SLC5A2: variants seen among roughly 807,000 people sequenced by gnomAD.
SLC5A2 encodes the protein solute carrier family 5 member 2, also known as sodium/glucose cotransporter 2.
SLC5A2 carries 67 observed loss-of-function variants against 69.0 expected under a neutral mutation model. The ratio of observed to expected loss-of-function variants is 0.97; its 90% CI spans 0.80 to 1.19. SLC5A2 has a LOEUF of 1.19. SLC5A2 is among the 50% of genes most tolerant of loss of function. The probability of loss-of-function intolerance (pLI) is 0.00; values close to 1 mark genes in which losing one functional copy is unlikely to be tolerated. For synonymous variants in SLC5A2, 455 were observed against 395.8 expected, an observed-to-expected ratio of 1.15 and a Z score of -1.78; for missense variants, 1,001 against 921.5, an observed-to-expected ratio of 1.09 and a Z score of -1.12.
Position 31,488,057 on chromosome 16 carries a change from T to C in SLC5A2, c.905T>C (p.Leu302Pro). The change falls in exon 8 of 14, where the codon CTG becomes CCG. Residue 302 changes from leucine to proline, a missense_variant. Leu to Pro is a moderately conservative substitution (Grantham distance 98). Coordinates refer to ENST00000330498, the MANE Select transcript of SLC5A2 (RefSeq NM_003041.4). ...CSDQVIVQRC[L>P]AGKSLTHIKA... Reference sequence around the variant, plus strand: ...CCGTAGGTCATCGTGCAGCGCTGCCTGGCCGGGAAGAGCCTGACCCACATC... The same window carrying C: ...CCGTAGGTCATCGTGCAGCGCTGCCCGGCCGGGAAGAGCCTGACCCACATC... 6.2e-7 allele frequency: 1 copy of C among 1,613,808 alleles called. No individual in the cohort carries two copies. Among genetic ancestry groups the C allele is most frequent in the African/African-American group, 1.3e-5 (1 of 75,058 alleles).
At chr16:31,483,370 G>T in intron 1 of SLC5A2, 108 bp downstream of exon 1, 1 of 1,443,088 alleles carries the variant, frequency 6.9e-7, no homozygotes, top group South Asian at 1.1e-5. Flanking sequence ...CTTTGAAGGA[G>T]AAACCTAGGC....
intron 12 of SLC5A2, chr16:31,489,875 G>A: frequency 3.5e-6 from 2 of 571,140 alleles, no homozygotes; most frequent in East Asian, 6.6e-5. Flanking sequence ...TGACAAAGCT[G>A]GGGGAGCAAG....
chr16:31,483,694 C>T (rs1310338638), intron 1 of SLC5A2, among the ~76,000 whole-genome samples: 1 of 151,960 alleles, frequency 6.6e-6, no homozygotes, highest in Admixed American at 6.6e-5. Flanking sequence ...GAGTTTGAGA[C>T]CAGACTGGCC....
chr16:31,487,959 C>T, intron 7 of SLC5A2, 79 bp from the exon 8 acceptor site: 2 of 1,586,030 alleles, frequency 1.3e-6, no homozygotes, highest in South Asian at 1.1e-5. Context: ...GAGCCAGAGG[C>T]GGGGCACAGA....
chr16:31,485,319 A>C, intron 3 of SLC5A2: 1 of 442,570 alleles, frequency 2.3e-6, no homozygotes. Flanking sequence ...AAGCTCTGGG[A>C]CTGAGGCTCC....
At chr16:31,488,247 G>C in intron 8 of SLC5A2, 74 bp downstream of exon 8, 1 of 1,612,044 alleles carries the variant, frequency 6.2e-7, no homozygotes, top group Non-Finnish European at 8.5e-7. Context: ...ACCCTCCTAA[G>C]ACTCGGCAGT....
In SLC5A2 at chr16:31,485,775, A is replaced by G. The variant is rs202108504; in HGVS notation, c.350A>G (p.Tyr117Cys). The G allele has an allele frequency of 9.9e-6, 16 of 1,613,648 alleles. No individual in the cohort carries two copies. The highest frequency in any genetic ancestry group is 1.4e-5 in the Non-Finnish European group (16 of 1,180,036). The change falls in exon 4 of 14, where the codon TAC (tyrosine) becomes TGC (cysteine). Residue 117 changes from tyrosine to cysteine, a missense_variant. Physicochemically the swap from Tyr to Cys is radical, Grantham distance 194. Coordinates refer to ENST00000330498, the MANE Select transcript of SLC5A2 (RefSeq NM_003041.4). ...CTGGGCTGGCTGTTTGCACCCGTGT[A>G]CCTGACAGCGGGGGTCATCACGATG... ...LLLGWLFAPV[Y>C]LTAGVITMPQ...
Position 31,487,880 on chromosome 16 carries a change from C to T in SLC5A2, c.885+121C>T. 5.7e-6 allele frequency: 8 copies of T among 1,395,224 alleles called. No homozygotes were observed. The South Asian group carries it at 8.9e-5, about 16-fold the overall frequency. 86.4% of individuals were successfully genotyped at this position (1,395,224 alleles called of 1,614,324 possible). ...CGCAGTCTGAGGGGCGGGAACCCCT[C>T]GGGTTGGTGCTAAACCAGACAGAAG... On this transcript the variant is annotated intron_variant, in intron 7 of 13. Coordinates refer to ENST00000330498, the MANE Select transcript of SLC5A2 (RefSeq NM_003041.4).
chr16:31,488,458 A>G lies in SLC5A2; in HGVS notation c.1097A>G (p.Tyr366Cys). The G allele has an allele frequency of 6.2e-7, 1 of 1,610,086 alleles. No homozygotes were observed. Among genetic ancestry groups the G allele is most frequent in the African/African-American group, 1.3e-5 (1 of 74,954 alleles). ...GTEVGCSNIAYPRLVVKLMPN... is the reference protein window; with the variant it reads ...GTEVGCSNIACPRLVVKLMPN... ...GAGGTGGGCTGCTCCAACATCGCCT[A>G]CCCGCGGCTCGTCGTGAAGCTCATG... The change falls in exon 9 of 14, where the codon TAC (tyrosine) becomes TGC (cysteine). Residue 366 changes from tyrosine to cysteine, a missense_variant. Tyr to Cys is a radical substitution (Grantham distance 194). Transcript: ENST00000330498.
At position 31,488,019 on chromosome 16, in the gene SLC5A2, C is replaced by T. The variant is rs1305062114; in HGVS notation, c.886-19C>T. 8.1e-6 allele frequency: 13 copies of T among 1,611,666 alleles called. No homozygotes were observed. The highest frequency in any genetic ancestry group is 1.0e-5 in the Non-Finnish European group (12 of 1,179,642). On this transcript the variant is annotated intron_variant, in intron 7 of 13. Transcript: ENST00000330498. ...CGAGGGGAGGCCCGCAAGCGGGCAG[C>T]TGAACGCCCCTCCCGTAGGTCATCG... is the stretch of plus-strand genomic sequence containing the variant.
Position 31,488,976 on chromosome 16 carries a change from C to T in SLC5A2, c.1377C>T (p.Val459=). 1.2e-6 allele frequency: 2 copies of T among 1,601,702 alleles called. No individual in the cohort carries two copies. Among genetic ancestry groups the T allele is most frequent in the Non-Finnish European group, 1.7e-6 (2 of 1,179,870 alleles). ...GGQLFDYIQA[V]SSYLAPPVSA... ...AGCTCTTCGATTACATCCAGGCAGT[C>T]TCTAGCTACCTGGCACCGCCCGTGT... The change falls in exon 11 of 14, where the codon GTC becomes GTT. Residue 459 remains valine, a synonymous_variant. Coordinates refer to ENST00000330498, the MANE Select transcript of SLC5A2 (RefSeq NM_003041.4).
Position 31,487,403 on chromosome 16 carries a change from A to T in SLC5A2, c.655+3A>T. 6.2e-7 allele frequency: 1 copy of T among 1,613,446 alleles called. No individual in the cohort carries two copies. Among genetic ancestry groups the T allele is most frequent in the Non-Finnish European group, 8.5e-7 (1 of 1,179,902 alleles). Reference sequence around the variant, plus strand: ...CGCCTGCATCCTCATGGGTTACGGTAGGGGCTCGCCTACCAGGGAGGGGCG... The same window carrying T: ...CGCCTGCATCCTCATGGGTTACGGTTGGGGCTCGCCTACCAGGGAGGGGCG... On this transcript the variant is annotated splice_donor_region_variant and intron_variant, in intron 6 of 13. Coordinates refer to ENST00000330498, the MANE Select transcript of SLC5A2 (RefSeq NM_003041.4).
In SLC5A2 at chr16:31,490,360, G is replaced by A. The variant is rs201073991; in HGVS notation, c.1844G>A (p.Cys615Tyr). Residue 615 changes from cysteine (C) to tyrosine (Y), a missense_variant, in exon 14 of 14, where the codon TGT (cysteine) becomes TAT (tyrosine). Transcript: ENST00000330498. Reference protein sequence around the residue: ...SLFRQCLLWFCGMSRGGVGSP... With the variant: ...SLFRQCLLWFYGMSRGGVGSP... ...TTCCGCCAGTGCCTGCTCTGGTTTT[G>A]TGGAATGAGCAGAGGTGGGGTGGGC... 1 of 1,613,142 alleles carries A rather than the reference G, an allele frequency of 6.2e-7. No individual in the cohort carries two copies. The highest frequency in any genetic ancestry group is 8.5e-7 in the Non-Finnish European group (1 of 1,179,632).
rs2082508204 is a variant in SLC5A2 at position 31,487,638 on chromosome 16, G to A, written c.764G>A (p.Cys255Tyr). The A allele has an allele frequency of 1.9e-6, 3 of 1,613,688 alleles. No individual in the cohort carries two copies. The highest frequency in any genetic ancestry group is 1.7e-6 in the Non-Finnish European group (2 of 1,179,980). The change falls in exon 7 of 14, where the codon TGC becomes TAC. Residue 255 changes from cysteine to tyrosine, a missense_variant. Cys to Tyr is a radical substitution (Grantham distance 194). Transcript: ENST00000330498. Reference sequence around the variant, plus strand: ...GCCGTGGGAAACATCTCCAGCTTCTGCTATCGACCCCGGCCCGACTCCTAC... The same window carrying A: ...GCCGTGGGAAACATCTCCAGCTTCTACTATCGACCCCGGCCCGACTCCTAC... ...DPAVGNISSFCYRPRPDSYHL... is the reference protein window; with the variant it reads ...DPAVGNISSFYYRPRPDSYHL...
chr16:31,483,718 C>T (rs912225843), intron 1 of SLC5A2, among the ~76,000 whole-genome samples: 5 of 151,956 alleles, frequency 3.3e-5, no homozygotes, highest in African/African-American at 9.7e-5. Context: ...ATGGTGAAAC[C>T]GTATCTCTTT....
In SLC5A2 at chr16:31,488,911, GTGGCC is replaced by G; in HGVS notation, c.1317_1321del (p.Trp440SerfsTer20). On this transcript the variant is annotated frameshift_variant, in exon 11 of 14. Transcript: ENST00000330498. LOFTEE classifies it high-confidence loss of function. The stretch of plus-strand genomic sequence containing the variant: ...GGTGGTGTTCATCGTGGTAGTGTCG[GTGGCC>G]TGGCTTCCCGTGGTGCAGGCGGCAC... 1 of 1,605,374 alleles carries G rather than the reference GTGGCC, an allele frequency of 6.2e-7. No homozygotes were observed. Among genetic ancestry groups the G allele is most frequent in the Non-Finnish European group, 8.5e-7 (1 of 1,179,862 alleles).
chr16:31,490,210 A>T lies in SLC5A2; in HGVS notation c.1772A>T (p.Glu591Val). 6.2e-7 allele frequency: 1 copy of T among 1,614,196 alleles called. No individual in the cohort carries two copies. Among genetic ancestry groups the T allele is most frequent in the Non-Finnish European group, 8.5e-7 (1 of 1,180,028 alleles). ...SSLPVQNGCP[E>V]SAMEMNEPQA... is the part of the protein sequence containing the mutation. Reference sequence around the variant, plus strand: ...CTCCCTGTACAGAATGGGTGCCCAGAGAGTGCCATGGAGATGAATGGTAGG... The same window carrying T: ...CTCCCTGTACAGAATGGGTGCCCAGTGAGTGCCATGGAGATGAATGGTAGG... The change falls in exon 13 of 14, where the codon GAG (glutamate) becomes GTG (valine). Residue 591 changes from glutamate (E) to valine (V), a missense_variant. Transcript: ENST00000330498.
chr16:31,490,149 G>C lies in SLC5A2; in HGVS notation c.1711G>C (p.Glu571Gln), dbSNP rs1407616949. ...FSLRHSKEEREDLDADEQQGS... is the reference protein window; with the variant it reads ...FSLRHSKEERQDLDADEQQGS... ...TCTCCGGCATAGCAAGGAGGAACGG[G>C]AGGACCTGGATGCTGATGAGCAGCA... The change falls in exon 13 of 14, where the codon GAG becomes CAG. Residue 571 changes from glutamate to glutamine, a missense_variant. By Grantham distance (29) the Glu-to-Gln change is conservative. Transcript: ENST00000330498. 6.2e-7 allele frequency: 1 copy of C among 1,614,154 alleles called. No individual in the cohort carries two copies. The highest frequency in any genetic ancestry group is 8.5e-7 in the Non-Finnish European group (1 of 1,180,042).
Position 31,484,762 on chromosome 16 carries a change from G to A in SLC5A2, c.198+18G>A, listed in dbSNP as rs1187881873. 27 of 1,610,590 alleles carry A rather than the reference G, an allele frequency of 1.7e-5. No homozygotes were observed. The highest frequency in any genetic ancestry group is 2.2e-5 in the East Asian group (1 of 44,898). ...GGTGGCCGGTGAGACGGGCTGGGCC[G>A]GGAACGGGAGGGGCCTGGAGAAGCA... On this transcript the variant is annotated intron_variant, in intron 2 of 13. Coordinates refer to ENST00000330498, the MANE Select transcript of SLC5A2 (RefSeq NM_003041.4).
Sources: gnomAD v4.1 joint callset for allele counts (sites outside exome capture counted in the v4.1 genomes callset) on GRCh38, gnomAD v4.1.1 for gene constraint, MANE v1.5 for transcripts, NCBI Gene and HGNC (gene_info 2026-07-23, HGNC 2026-07-21) for gene names.